EYA4: variants seen among roughly 807,000 people sequenced by gnomAD.
EYA4 encodes the protein protein phosphatase EYA4.
Under a neutral mutation model 87.9 loss-of-function variants are expected in EYA4, and 31 were observed. The ratio of observed to expected loss-of-function variants is 0.35; its 90% CI spans 0.27 to 0.48. The LOEUF (loss-of-function observed/expected upper bound fraction) is 0.48. Ranked by LOEUF, EYA4 falls within the 20% of genes least tolerant of loss-of-function variation. The pLI, the probability that EYA4 is intolerant of heterozygous loss-of-function variation, is 0.99. For missense variants in EYA4, 678 were observed against 761.4 expected, an observed-to-expected ratio of 0.89 and a Z score of 1.29; for synonymous variants, 263 against 270.6, an observed-to-expected ratio of 0.97 and a Z score of 0.28.
At chr6:133,380,909 A>ACTTC (rs1358614828) in intron 2 of EYA4, among the ~76,000 whole-genome samples, 2 of 83,136 alleles carry the variant, frequency 2.4e-5, no homozygotes, top group East Asian at 8.2e-4. Flanking sequence ...CCCTCCCGTT[A>ACTTC]CTTCCTTCCT....
chr6:133,401,716 G>T (rs1788280917), intron 3 of EYA4, among the ~76,000 whole-genome samples: 1 of 152,100 alleles, frequency 6.6e-6, no homozygotes. Context: ...ATGGCATTAT[G>T]TGTACTGTTT....
intron 2 of EYA4, among the ~76,000 whole-genome samples, chr6:133,311,716 G>A (rs998172407): frequency 7.2e-5 from 11 of 152,150 alleles, no homozygotes; most frequent in African/African-American, 2.7e-4. Context: ...AGTGTGGCCT[G>A]CAAAGCCTGC....
chr6:133,528,415 T>C (rs1800803922), intron 19 of EYA4, among the ~76,000 whole-genome samples: 1 of 152,168 alleles, frequency 6.6e-6, no homozygotes, highest in Admixed American at 6.6e-5. Flanking sequence ...CCCACTTGCT[T>C]TCCCAGATGT....
intron 1 of EYA4, among the ~76,000 whole-genome samples, chr6:133,255,701 T>G (rs1440444797): frequency 2.0e-5 from 3 of 152,118 alleles, no homozygotes; most frequent in African/African-American, 7.2e-5. Flanking sequence ...TTGATTTCCT[T>G]AAAACTTGCT....
intron 1 of EYA4, among the ~76,000 whole-genome samples, chr6:133,246,292 C>G (rs1774402926): frequency 1.3e-5 from 2 of 152,110 alleles, no homozygotes; most frequent in African/African-American, 2.4e-5. Context: ...TTCTAAAATA[C>G]CAGAAATTCT....
rs1183334447 is a variant in EYA4, at chr6:133,354,363, T to C, written c.34-28029T>C. Among the ~76,000 whole-genome samples, 3 of 152,056 alleles carry C rather than the reference T, an allele frequency of 2.0e-5. No individual in the cohort carries two copies. In the East Asian group the frequency reaches 5.8e-4, roughly 29 times the overall value. On this transcript the variant is annotated intron_variant, in intron 2 of 19. Coordinates refer to ENST00000355286, the MANE Select transcript of EYA4 (RefSeq NM_004100.5). ...TTATTATTATTGGACATCATGGCAGTGATGGTGACATTGTTGAAAAGTCAT... is the reference window on the plus strand; with the variant it reads ...TTATTATTATTGGACATCATGGCAGCGATGGTGACATTGTTGAAAAGTCAT...
chr6:133,431,430 T>C (rs985049724), intron 3 of EYA4, among the ~76,000 whole-genome samples: 2 of 152,204 alleles, frequency 1.3e-5, no homozygotes, highest in African/African-American at 4.8e-5. Context: ...AAGCTACCTA[T>C]TCAGGGAGTT....
chr6:133,299,077 A>G (rs1453547601), intron 2 of EYA4, among the ~76,000 whole-genome samples: 4 of 152,150 alleles, frequency 2.6e-5, no homozygotes, highest in Admixed American at 6.5e-5. Flanking sequence ...GGTTACCACA[A>G]GCGACTTGGG....
At chr6:133,343,085 C>A (rs1782923791) in intron 2 of EYA4, among the ~76,000 whole-genome samples, 1 of 152,010 alleles carries the variant, frequency 6.6e-6, no homozygotes, top group Non-Finnish European at 1.5e-5. Flanking sequence ...GCAACCATTT[C>A]TTTCAAATGT....
chr6:133,341,860 G>C (rs999170867), intron 2 of EYA4, among the ~76,000 whole-genome samples: 1 of 152,090 alleles, frequency 6.6e-6, no homozygotes, highest in African/African-American at 2.4e-5. Context: ...TAGCATCTTT[G>C]AAATTTGATT....
At chr6:133,334,785 C>G (rs1353365139) in intron 2 of EYA4, among the ~76,000 whole-genome samples, 1 of 152,050 alleles carries the variant, frequency 6.6e-6, no homozygotes, top group African/African-American at 2.4e-5. Context: ...CTCTGAAGAT[C>G]TTGGTAAGTA....
At chr6:133,246,562 G>A (rs990850333) in intron 1 of EYA4, among the ~76,000 whole-genome samples, 2 of 151,878 alleles carry the variant, frequency 1.3e-5, no homozygotes, top group African/African-American at 4.8e-5. Flanking sequence ...ATGTGGAATA[G>A]CTTTTGTATC....
chr6:133,496,764 A>G (rs973071524), intron 13 of EYA4, among the ~76,000 whole-genome samples: 14 of 152,222 alleles, frequency 9.2e-5, no homozygotes, highest in Non-Finnish European at 1.2e-4. Flanking sequence ...GGTGAAAACT[A>G]TCATCTACCT....
chr6:133,468,256 A>G (rs1166377721), intron 10 of EYA4, among the ~76,000 whole-genome samples: 4 of 152,094 alleles, frequency 2.6e-5, no homozygotes, highest in Non-Finnish European at 5.9e-5. Flanking sequence ...TCAAACACGT[A>G]GGTCCTGATG....
chr6:133,406,452 G>A (rs1012615578), intron 3 of EYA4, among the ~76,000 whole-genome samples: 3 of 152,228 alleles, frequency 2.0e-5, no homozygotes, highest in Non-Finnish European at 4.4e-5. Flanking sequence ...CTGAGTCACT[G>A]GCAGTGCAGG....
chr6:133,416,938 G>A (rs1315719571), intron 3 of EYA4, among the ~76,000 whole-genome samples: 1 of 152,212 alleles, frequency 6.6e-6, no homozygotes, highest in Non-Finnish European at 1.5e-5. Context: ...TGTGGGTGCA[G>A]GGTAGGTTTG....
chr6:133,305,497 TTAA>T (rs1039498182), intron 2 of EYA4, among the ~76,000 whole-genome samples: 28 of 152,286 alleles, frequency 1.8e-4, no homozygotes, highest in Admixed American at 1.6e-3. Context: ...TGGTAAGGAA[TTAA>T]TAAATGTCAG....
rs149360633 is a variant in EYA4, at chr6:133,508,385, C to T, written c.1281+2190C>T. Among the ~76,000 whole-genome samples the T allele has an allele frequency of 1.6e-3, 244 of 152,014 alleles. 1 individual carries two copies. The highest frequency in any genetic ancestry group is 5.7e-3 in the African/African-American group (236 of 41,484). On this transcript the variant is annotated intron_variant, in intron 14 of 19. Coordinates refer to ENST00000355286, the MANE Select transcript of EYA4 (RefSeq NM_004100.5). ...GTAATAACAAACACCTTAACCTTTC[C>T]ACAACTTGAATTTTTTACATACAGC...
At position 133,481,499 on chromosome 6, in the gene EYA4, T is replaced by C. The variant is rs1400519802; in HGVS notation, c.1007T>C (p.Ile336Thr). 6.2e-7 allele frequency: 1 copy of C among 1,613,906 alleles called. No homozygotes were observed. The highest frequency in any genetic ancestry group is 8.5e-7 in the Non-Finnish European group (1 of 1,179,890). Residue 336 changes from isoleucine (I) to threonine (T), a missense_variant, in exon 12 of 20, where the codon ATC becomes ACC. Ile to Thr is a moderately conservative substitution (Grantham distance 89). Transcript: ENST00000355286. ...ACCATGCAGAGTCCCTCCACACCCA[T>C]CAAAGATCTTGATGAGAGAACCTGT... ...FDTMQSPSTP[I>T]KDLDERTCRS... is the part of the protein sequence containing the mutation.
Sources: gnomAD v4.1 joint callset for allele counts (sites outside exome capture counted in the v4.1 genomes callset) on GRCh38, gnomAD v4.1.1 for gene constraint, MANE v1.5 for transcripts, NCBI Gene and HGNC (gene_info 2026-07-23, HGNC 2026-07-21) for gene names.